Variants in RTN3 observed in about 807,000 individuals in gnomAD.
RTN3 encodes reticulon 3.
In RTN3, 49 loss-of-function variants were observed where a neutral mutation model predicts 77.8. The ratio of observed to expected loss-of-function variants is 0.63; its 90% confidence interval spans 0.50 to 0.80. The LOEUF is 0.80. RTN3 is among the 30% of genes least tolerant of loss of function. The pLI, the probability that RTN3 is intolerant of heterozygous loss-of-function variation, is 0.00. For synonymous variants in RTN3, 464 were observed against 446.9 expected (o/e 1.04, Z -0.48); for missense variants, 1,236 against 1,211.9 (o/e 1.02, Z -0.29).
chr11:63,709,588 A>G (rs1178494680), intron 2 of RTN3, among the ~76,000 whole-genome samples: 1 of 151,810 alleles, frequency 6.6e-6, no homozygotes, highest in Admixed American at 6.6e-5. Flanking sequence ...TTTTTTTAAA[A>G]AAAAAAAAAG....
intron 2 of RTN3, among the ~76,000 whole-genome samples, chr11:63,710,811 G>A (rs2011142789): frequency 6.6e-6 from 1 of 152,186 alleles, no homozygotes; most frequent in Non-Finnish European, 1.5e-5. Flanking sequence ...GTAAATCAGA[G>A]ATAAAGCCCA....
chr11:63,682,309 A>T (rs919251013), intron 1 of RTN3, among the ~76,000 whole-genome samples: 10 of 152,148 alleles, frequency 6.6e-5, no homozygotes, highest in Admixed American at 4.6e-4. Flanking sequence ...GTTTAATGGA[A>T]GCATTGTAGC....
At position 63,758,655 on chromosome 11, in the gene RTN3, GT is replaced by G. The variant is rs1242913936; in HGVS notation, c.*463del. On this transcript the variant is annotated 3_prime_UTR_variant, in exon 9 of 9. Coordinates refer to ENST00000377819, the MANE Select transcript of RTN3 (RefSeq NM_001265589.2). ...GGACAGGAGTGTGATACCTTCCTTG[GT>G]TTTTTTTTGCAGCCCTCAAATCCTA... 132 of 323,538 alleles carry G rather than the reference GT, an allele frequency of 4.1e-4. No homozygotes were observed. The highest frequency in any genetic ancestry group is 8.3e-4 in the Middle Eastern group (1 of 1,208). 20.0% of individuals were successfully genotyped at this position (323,538 alleles called of 1,614,324 possible).
At chr11:63,732,013 T>G (rs897961525) in intron 3 of RTN3, among the ~76,000 whole-genome samples, 8 of 151,846 alleles carry the variant, frequency 5.3e-5, no homozygotes, top group Non-Finnish European at 1.2e-4. Flanking sequence ...GATCTAAGGT[T>G]CGAACTTGAA....
intron 2 of RTN3, 112 bp from the exon 3 acceptor site, chr11:63,718,590 G>A (rs977100194): frequency 7.6e-6 from 5 of 660,856 alleles, no homozygotes; most frequent in Admixed American, 6.8e-5. Flanking sequence ...TCCTGTGTGT[G>A]TATATATATA....
At chr11:63,710,610 G>A in intron 2 of RTN3, among the ~76,000 whole-genome samples, 1 of 152,182 alleles carries the variant, frequency 6.6e-6, no homozygotes, top group East Asian at 1.9e-4. Flanking sequence ...ATCTATGTGA[G>A]GAGAAGCCGT....
chr11:63,706,768 T>C (rs1215385864), intron 2 of RTN3, among the ~76,000 whole-genome samples: 1 of 152,162 alleles, frequency 6.6e-6, no homozygotes, highest in African/African-American at 2.4e-5. Context: ...AGCAAATAGG[T>C]ATTAAATTAT....
At chr11:63,753,914 A>G (rs145052633) in intron 7 of RTN3, among the ~76,000 whole-genome samples, 2 of 152,358 alleles carry the variant, frequency 1.3e-5, no homozygotes, top group African/African-American at 4.8e-5. Context: ...TGACTAGGAA[A>G]GAGAAACTTC....
At chr11:63,693,410 G>C (rs932682392) in intron 1 of RTN3, among the ~76,000 whole-genome samples, 1 of 152,048 alleles carries the variant, frequency 6.6e-6, no homozygotes, top group African/African-American at 2.4e-5. Flanking sequence ...CTTGAACCTG[G>C]GAGGTCGAGG....
chr11:63,725,561 G>A (rs959262561), intron 3 of RTN3, among the ~76,000 whole-genome samples: 5 of 151,806 alleles, frequency 3.3e-5, no homozygotes, highest in African/African-American at 9.7e-5. Flanking sequence ...CCATTCTCCC[G>A]CCTCAGCCTC....
In RTN3 at chr11:63,718,960, G is replaced by A. The variant is rs781389665; in HGVS notation, c.458G>A (p.Cys153Tyr). ...GTTTCTCTTGCAGCAGGAGTTCATT[G>A]TGACCGTCCTTCTATTCCAGCCAGT... ...SSVSLAAGVH[C>Y]DRPSIPASFP... The change falls in exon 3 of 9, where the codon TGT becomes TAT. Residue 153 changes from cysteine to tyrosine, a missense_variant. By Grantham distance (194) the Cys-to-Tyr change is radical. Coordinates refer to ENST00000377819, the MANE Select transcript of RTN3 (RefSeq NM_001265589.2). 3.7e-6 allele frequency: 6 copies of A among 1,614,190 alleles called. No homozygotes were observed. Among genetic ancestry groups the A allele is most frequent in the Middle Eastern group, 3.3e-4 (2 of 6,062 alleles).
Position 63,749,988 on chromosome 11 carries a change from C to T in RTN3, c.2531-3C>T. On this transcript the variant is annotated splice_region_variant and splice_polypyrimidine_tract_variant and intron_variant, in intron 3 of 8. Coordinates refer to ENST00000377819, the MANE Select transcript of RTN3 (RefSeq NM_001265589.2). Reference sequence around the variant, plus strand: ...TAACTTATATTCCCTTTTCTTTTGTCAGTGCACGATCTGATTTTCTGGAGA... The same window carrying T: ...TAACTTATATTCCCTTTTCTTTTGTTAGTGCACGATCTGATTTTCTGGAGA... 1 of 1,610,272 alleles carries T rather than the reference C, an allele frequency of 6.2e-7. No individual in the cohort carries two copies. The highest frequency in any genetic ancestry group is 8.5e-7 in the Non-Finnish European group (1 of 1,176,718).
intron 2 of RTN3, among the ~76,000 whole-genome samples, chr11:63,712,817 C>T (rs748811714): frequency 1.2e-4 from 18 of 152,034 alleles, no homozygotes; most frequent in Non-Finnish European, 2.1e-4. Flanking sequence ...ATTTTTTGGC[C>T]GGGCGCAATG....
intron 8 of RTN3, 30 bp from the exon 9 acceptor site, chr11:63,758,122 ACTTT>A (rs767991235): frequency 2.2e-5 from 31 of 1,438,958 alleles, no homozygotes; most frequent in South Asian, 4.9e-5. Context: ...TAATGTTTTC[ACTTT>A]CTTTCTTTTT....
At chr11:63,744,889 T>G (rs1225996927) in intron 3 of RTN3, among the ~76,000 whole-genome samples, 3 of 152,096 alleles carry the variant, frequency 2.0e-5, no homozygotes, top group Non-Finnish European at 4.4e-5. Flanking sequence ...CTACTTGGGA[T>G]GCTGAGATGG....
At chr11:63,752,776 T>C (rs1367465309) in intron 5 of RTN3, 131 bp downstream of exon 5, 3 of 946,326 alleles carry the variant, frequency 3.2e-6, no homozygotes, top group Non-Finnish European at 4.9e-6. Context: ...CATTCTATAA[T>C]GGGATAGGTG....
At chr11:63,713,112 ATTT>A (rs1300596259) in intron 2 of RTN3, among the ~76,000 whole-genome samples, 3 of 152,072 alleles carry the variant, frequency 2.0e-5, no homozygotes, top group Non-Finnish European at 1.5e-5. Context: ...ATATAAAAGA[ATTT>A]TTTATTTGGG....
At chr11:63,721,402 G>A (rs1193731500) in intron 3 of RTN3, among the ~76,000 whole-genome samples, 3 of 151,924 alleles carry the variant, frequency 2.0e-5, no homozygotes, top group Non-Finnish European at 2.9e-5. Flanking sequence ...GTGAAACCCC[G>A]TCTCTACTAA....
intron 3 of RTN3, among the ~76,000 whole-genome samples, chr11:63,729,445 TTTTTTTTTTTTTTTG>T (rs1204400077): frequency 2.4e-4 from 30 of 123,480 alleles, no homozygotes; most frequent in Middle Eastern, 3.7e-3. Flanking sequence ...GCTTTTTTTT[TTTTTTTTTTTTTTTG>T]TTTGTTTGAG....
Sources: gnomAD v4.1 joint callset for allele counts (sites outside exome capture counted in the v4.1 genomes callset) on GRCh38, gnomAD v4.1.1 for gene constraint, MANE v1.5 for transcripts, NCBI Gene and HGNC (gene_info 2026-07-23, HGNC 2026-07-21) for gene names.